The following TYW1 variants were observed in gnomAD, a reference collection of about 807,000 sequenced individuals.
TYW1 encodes the protein tRNA-yW synthesizing protein 1 homolog.
TYW1 carries 46 observed loss-of-function variants against 96.2 expected under a neutral mutation model. That is an observed-to-expected ratio of 0.48 (90% CI 0.38 to 0.61). TYW1 has a LOEUF of 0.61. TYW1 is among the 20% of genes least tolerant of loss of function. The pLI is 0.00. For synonymous variants in TYW1, 274 were observed against 323.0 expected (o/e 0.85, Z 1.63); for missense variants, 684 against 909.6 (o/e 0.75, Z 3.19).
At chr7:67,204,252 T>C (rs1043283782) in intron 15 of TYW1, among the ~76,000 whole-genome samples, 1 of 152,132 alleles carries the variant, frequency 6.6e-6, no homozygotes, top group African/African-American at 2.4e-5. Flanking sequence ...GTTAGATTTT[T>C]TTTTGTTATG....
intron 3 of TYW1, among the ~76,000 whole-genome samples, chr7:67,003,659 A>G (rs1793475647): frequency 6.6e-6 from 1 of 152,196 alleles, no homozygotes; most frequent in South Asian, 2.1e-4. Flanking sequence ...GTTGCTGGGC[A>G]GATGTCCTTG....
At chr7:67,118,426 A>G (rs1797662744) in intron 13 of TYW1, among the ~76,000 whole-genome samples, 1 of 152,134 alleles carries the variant, frequency 6.6e-6, no homozygotes, top group South Asian at 2.1e-4. Flanking sequence ...TACATTACTT[A>G]TAATATGTAG....
rs869257148 is a variant in TYW1, at chr7:67,135,302, G to GTTTTTT, written c.1698+17699_1698+17704dup. Among the ~76,000 whole-genome samples, 905 of 111,782 alleles carry GTTTTTT rather than the reference G, an allele frequency of 8.1e-3. 37 individuals carry two copies. The highest frequency in any genetic ancestry group is 0.016 in the Middle Eastern group (3 of 188). The allele number at this position is 111,782 out of a possible 152,430, so 73.3% of individuals were successfully genotyped here. ...TCTTTTTGAATATGATGTTAAAACA[G>GTTTTTT]TTTTTTTTTTTTTTTTTTTTGAGAC... On this transcript the variant is annotated intron_variant, in intron 13 of 15. Transcript: ENST00000359626.
intron 13 of TYW1, among the ~76,000 whole-genome samples, chr7:67,151,838 G>A (rs1422017050): frequency 6.6e-6 from 1 of 151,920 alleles, no homozygotes; most frequent in Non-Finnish European, 1.5e-5. Context: ...ATAGGGACTT[G>A]CTCTTTTGAC....
chr7:67,006,996 A>G (rs1793619261), intron 3 of TYW1, among the ~76,000 whole-genome samples: 2 of 126,152 alleles, frequency 1.6e-5, no homozygotes, highest in African/African-American at 3.1e-5. Context: ...TCTATGAACT[A>G]ATAGGGCAAG....
intron 13 of TYW1, among the ~76,000 whole-genome samples, chr7:67,161,064 T>C (rs1163710564): frequency 6.6e-6 from 1 of 152,244 alleles, no homozygotes; most frequent in Non-Finnish European, 1.5e-5. Flanking sequence ...GTTTCTGAGC[T>C]TTCTACTGTG....
At chr7:67,181,577 T>G (rs1237467827) in intron 13 of TYW1, among the ~76,000 whole-genome samples, 1 of 152,218 alleles carries the variant, frequency 6.6e-6, no homozygotes, top group Non-Finnish European at 1.5e-5. Context: ...CTAATAAGAT[T>G]GGTATCATTT....
chr7:67,129,372 G>T (rs1797995550), intron 13 of TYW1, among the ~76,000 whole-genome samples: 1 of 152,134 alleles, frequency 6.6e-6, no homozygotes, highest in Admixed American at 6.5e-5. Flanking sequence ...AAAGTGTAGG[G>T]CCCCTAATGA....
At chr7:67,133,034 AT>A (rs1174521977) in intron 13 of TYW1, among the ~76,000 whole-genome samples, 8 of 152,118 alleles carry the variant, frequency 5.3e-5, no homozygotes, top group African/African-American at 1.9e-4. Flanking sequence ...ACTTGATTAG[AT>A]TTTTGTCACC....
rs1482783645 is a variant in TYW1, at chr7:67,091,869, A to G, written c.1385-6672A>G. On this transcript the variant is annotated intron_variant, in intron 11 of 15. Transcript: ENST00000359626. ...GTCTTGTATTTTGTTTGTTTTTGTG[A>G]TTGTCTAAATGGGGGAATATGATTA... 6.6e-5 allele frequency among the ~76,000 whole-genome samples: 10 copies of G among 152,026 alleles called. No individual in the cohort carries two copies. The South Asian group carries it at 2.1e-3, about 32-fold the overall frequency.
chr7:67,030,723 G>GA (rs757421126), intron 7 of TYW1, among the ~76,000 whole-genome samples: 9 of 151,928 alleles, frequency 5.9e-5, no homozygotes, highest in Non-Finnish European at 1.3e-4. Context: ...CAGGACTGGT[G>GA]AAAGAAGGGT....
intron 13 of TYW1, among the ~76,000 whole-genome samples, chr7:67,178,022 G>A (rs1446796040): frequency 6.7e-6 from 1 of 148,532 alleles, no homozygotes; most frequent in African/African-American, 2.5e-5. Flanking sequence ...AAAAAAGCTA[G>A]GAGTGGCAGC....
At chr7:67,184,534 T>C (rs1799939176) in intron 14 of TYW1, among the ~76,000 whole-genome samples, 1 of 151,392 alleles carries the variant, frequency 6.6e-6, no homozygotes, top group Non-Finnish European at 1.5e-5. Context: ...GGTAAATGCA[T>C]ATATTATTTT....
intron 13 of TYW1, among the ~76,000 whole-genome samples, chr7:67,143,267 T>C (rs2116122804): frequency 6.6e-6 from 1 of 152,172 alleles, no homozygotes; most frequent in East Asian, 1.9e-4. Context: ...ATTGTTTGTG[T>C]GGGAGATAGA....
rs778765728 is a variant in TYW1 at position 67,083,513 on chromosome 7, A to T, written c.1358A>T (p.His453Leu). 33 of 1,614,026 alleles carry T rather than the reference A, an allele frequency of 2.0e-5. No homozygotes were observed. In the South Asian group the frequency reaches 3.6e-4, roughly 18 times the overall value. ...ATCTTGAAGGAAGCCATTGAAAACC[A>T]TCAGAACATGATTAAGCAGTTTAAA... ...EMILKEAIEN[H>L]QNMIKQFKGV... The change falls in exon 11 of 16, where the codon CAT becomes CTT. Residue 453 changes from histidine (H) to leucine (L), a missense_variant. Transcript: ENST00000359626.
chr7:67,191,558 GT>G (rs1656885560), intron 14 of TYW1, among the ~76,000 whole-genome samples: 1 of 145,034 alleles, frequency 6.9e-6, no homozygotes, highest in Non-Finnish European at 1.5e-5. Flanking sequence ...GGGGGTGAGG[GT>G]GAGGGTGAGA....
intron 7 of TYW1, among the ~76,000 whole-genome samples, chr7:67,042,320 C>T (rs1795054342): frequency 6.7e-6 from 1 of 148,656 alleles, no homozygotes; most frequent in African/African-American, 2.5e-5. Context: ...TTCTACCTCC[C>T]TCCCTCTGTA....
intron 12 of TYW1, among the ~76,000 whole-genome samples, chr7:67,109,501 C>T (rs542738078): frequency 2.0e-4 from 30 of 152,070 alleles, no homozygotes; most frequent in African/African-American, 5.8e-4. Flanking sequence ...CATATATTCA[C>T]GAAAAAATGG....
chr7:67,043,165 A>G (rs2129257518), intron 7 of TYW1, among the ~76,000 whole-genome samples: 1 of 152,260 alleles, frequency 6.6e-6, no homozygotes, highest in Middle Eastern at 3.4e-3. Context: ...GTTGGCTGGT[A>G]AGTTGACAGG....
Sources: allele counts gnomAD v4.1 joint callset (sites outside exome capture counted in the v4.1 genomes callset), GRCh38; gene constraint gnomAD v4.1.1; transcripts MANE v1.5; gene names NCBI Gene and HGNC (gene_info 2026-07-23, HGNC 2026-07-21).